EIF3A: variants seen among roughly 807,000 people sequenced by gnomAD.
The protein encoded by EIF3A is eukaryotic translation initiation factor 3 subunit A, also known as EIF3, p180 subunit.
EIF3A carries 21 observed loss-of-function variants against 186.6 expected under a neutral mutation model. The ratio of observed to expected loss-of-function variants is 0.11; its 90% CI spans 0.08 to 0.16. EIF3A has a LOEUF of 0.16. Ranked by LOEUF, EIF3A falls within the 10% of genes least tolerant of loss-of-function variation. The probability of loss-of-function intolerance (pLI) is 1.00; values close to 1 mark genes in which losing one functional copy is unlikely to be tolerated. For missense variants in EIF3A, 1,306 were observed against 1,796.3 expected (o/e 0.73, Z 4.93); for synonymous variants, 563 against 584.3 (o/e 0.96, Z 0.52).
At chr10:119,062,279 T>G (rs1311000260) in intron 7 of EIF3A, among the ~76,000 whole-genome samples, 2 of 152,164 alleles carry the variant, frequency 1.3e-5, no homozygotes, top group Admixed American at 1.3e-4. Flanking sequence ...CCCTTCCGAA[T>G]AGGGAAATGT....
chr10:119,037,257 C>G lies in EIF3A; in HGVS notation c.3781G>C (p.Asp1261His). Residue 1261 changes from aspartate to histidine, a missense_variant, in exon 21 of 22, where the codon GAC (aspartate) becomes CAC (histidine). Physicochemically the swap from Asp to His is moderately conservative, Grantham distance 81 (BLOSUM62 -1). Around this residue, in one of 8 missense-constraint regions of EIF3A, gnomAD observed 331 missense variants for 365.8 expected, o/e 0.90. Coordinates refer to ENST00000369144, the MANE Select transcript of EIF3A (RefSeq NM_003750.4). Reference sequence around the variant, plus strand: ...TCCCTATCGTCCCGGCGACTTGAGTCTCTCCAGCTTGAAGATTCCTCAGCT... The same window carrying G: ...TCCCTATCGTCCCGGCGACTTGAGTGTCTCCAGCTTGAAGATTCCTCAGCT... Reference protein sequence around the residue: ...GPAEESSSWRDSSRRDDRDRD... With the variant: ...GPAEESSSWRHSSRRDDRDRD... 9.3e-6 allele frequency: 15 copies of G among 1,614,152 alleles called. No individual in the cohort carries two copies. Among genetic ancestry groups the G allele is most frequent in the Non-Finnish European group, 1.1e-5 (13 of 1,180,018 alleles).
chr10:119,047,128 C>T (rs1312805785), intron 17 of EIF3A, among the ~76,000 whole-genome samples: 1 of 152,054 alleles, frequency 6.6e-6, no homozygotes, highest in Non-Finnish European at 1.5e-5. Flanking sequence ...ATTAGCCAGG[C>T]GTGGTGGCAC....
chr10:119,079,876 T>C (rs1046622525), intron 1 of EIF3A, among the ~76,000 whole-genome samples: 3 of 152,166 alleles, frequency 2.0e-5, no homozygotes, highest in Non-Finnish European at 2.9e-5. Flanking sequence ...TCTAGGCCTG[T>C]TTCGTTATCT....
intron 14 of EIF3A, among the ~76,000 whole-genome samples, chr10:119,053,265 C>T (rs547714309): frequency 1.2e-4 from 18 of 152,224 alleles, no homozygotes; most frequent in Admixed American, 1.0e-3. Flanking sequence ...TTTGGAATGA[C>T]GAGAATTGGC....
intron 11 of EIF3A, 61 bp from the exon 12 acceptor site, chr10:119,058,364 C>A: frequency 8.3e-7 from 1 of 1,198,204 alleles, no homozygotes; most frequent in South Asian, 1.5e-5. Context: ...TATTAGGCAT[C>A]AAAGAAATTA....
intron 14 of EIF3A, among the ~76,000 whole-genome samples, chr10:119,052,469 C>T (rs1347781809): frequency 6.6e-6 from 1 of 151,466 alleles, no homozygotes; most frequent in African/African-American, 2.4e-5. Context: ...TCACTGCAAC[C>T]TCTGCATCCT....
Position 119,042,350 on chromosome 10 carries a change from C to T in EIF3A, c.3170G>A (p.Arg1057Gln), listed in dbSNP as rs1386316965. The T allele has an allele frequency of 3.7e-6, 6 of 1,613,908 alleles. No homozygotes were observed. The highest frequency in any genetic ancestry group is 1.6e-4 in the Middle Eastern group (1 of 6,084). ...GPRRGGADDE[R>Q]SSWRNADDDR... ...ATCATCAGCATTACGCCAGGATGAT[C>T]GCTCATCATCAGCGCCTCCTCGCCT... is the stretch of plus-strand genomic sequence containing the variant. The change falls in exon 19 of 22, where the codon CGA becomes CAA. Residue 1057 changes from arginine (R) to glutamine (Q), a missense_variant. Arg to Gln is a conservative substitution (Grantham distance 43, BLOSUM62 1). Transcript: ENST00000369144. The surrounding 1 kb of genome is among the most constrained non-coding windows in gnomAD (Gnocchi z 7.8).
In EIF3A at chr10:119,059,643, C is replaced by G; in HGVS notation, c.1402G>C (p.Glu468Gln). 2 of 1,614,142 alleles carry G rather than the reference C, an allele frequency of 1.2e-6. No individual in the cohort carries two copies. Among genetic ancestry groups the G allele is most frequent in the Non-Finnish European group, 1.7e-6 (2 of 1,180,008 alleles). ...CTGGCTGCATCTACTATGGCCCGTT[C>G]CAGTTGGAAAGCATCAACAAAAGGA... Reference protein sequence around the residue: ...LVPFVDAFQLERAIVDAARHC... With the variant: ...LVPFVDAFQLQRAIVDAARHC... Residue 468 changes from glutamate (E) to glutamine (Q), a missense_variant, in exon 10 of 22, where the codon GAA becomes CAA. Physicochemically the swap from Glu to Gln is conservative, Grantham distance 29 (BLOSUM62 2). Around this residue, in one of 8 missense-constraint regions of EIF3A, gnomAD observed 267 missense variants for 367.8 expected, o/e 0.73. Transcript: ENST00000369144.
intron 6 of EIF3A, among the ~76,000 whole-genome samples, chr10:119,069,086 T>C (rs1844031397): frequency 6.6e-6 from 1 of 152,260 alleles, no homozygotes; most frequent in South Asian, 2.1e-4. Context: ...TAAATGTGTT[T>C]TTCCTAATAT....
In EIF3A at chr10:119,035,962, T is replaced by C. The variant is rs1848121999; in HGVS notation, c.*77A>G. 8.9e-6 allele frequency: 10 copies of C among 1,123,252 alleles called. No homozygotes were observed. Among genetic ancestry groups the C allele is most frequent in the South Asian group, 2.6e-5 (2 of 77,350 alleles). 69.6% of individuals were successfully genotyped at this position (1,123,252 alleles called of 1,614,324 possible). A position where few individuals can be genotyped will look rare whatever the true frequency, so the allele number is the denominator to read the frequency against. On this transcript the variant is annotated 3_prime_UTR_variant, in exon 22 of 22. Coordinates refer to ENST00000369144, the MANE Select transcript of EIF3A (RefSeq NM_003750.4). Reference sequence around the variant, plus strand: ...CATTAAAGAATCCAATTTAGATTGGTTGAAGCACAAGTATAATAATCCTTG... The same window carrying C: ...CATTAAAGAATCCAATTTAGATTGGCTGAAGCACAAGTATAATAATCCTTG...
chr10:119,042,506 T>C lies in EIF3A; in HGVS notation c.3014A>G (p.Asp1005Gly). The C allele has an allele frequency of 6.2e-7, 1 of 1,614,182 alleles. No individual in the cohort carries two copies. The highest frequency in any genetic ancestry group is 8.5e-7 in the Non-Finnish European group (1 of 1,180,036). Reference sequence around the variant, plus strand: ...ATCCGCATGACGCCAGTTTCCCCTGTCTTCATCGGCAATTCGTCTGGGAGG... The same window carrying C: ...ATCCGCATGACGCCAGTTTCCCCTGCCTTCATCGGCAATTCGTCTGGGAGG... ...DRPPRRIADEDRGNWRHADDD... is the reference protein window; with the variant it reads ...DRPPRRIADEGRGNWRHADDD... The change falls in exon 19 of 22, where the codon GAC becomes GGC. Residue 1005 changes from aspartate (D) to glycine (G), a missense_variant. Coordinates refer to ENST00000369144, the MANE Select transcript of EIF3A (RefSeq NM_003750.4). The surrounding 1 kb of genome is among the most constrained non-coding windows in gnomAD (Gnocchi z 7.8).
intron 17 of EIF3A, among the ~76,000 whole-genome samples, chr10:119,048,853 T>TA (rs1415963759): frequency 6.6e-6 from 1 of 152,012 alleles, no homozygotes; most frequent in Non-Finnish European, 1.5e-5. Flanking sequence ...TTATTTTTAG[T>TA]AGAGACAGGG....
chr10:119,065,694 A>T lies in EIF3A; in HGVS notation c.951-124T>A, dbSNP rs376857832. 6.9e-5 allele frequency: 45 copies of T among 654,146 alleles called. 1 individual carries two copies. The highest frequency in any genetic ancestry group is 5.1e-4 in the South Asian group (26 of 50,526). 40.5% of individuals were successfully genotyped at this position (654,146 alleles called of 1,614,324 possible). A position where few individuals can be genotyped will look rare whatever the true frequency, so the allele number is the denominator to read the frequency against. On this transcript the variant is annotated intron_variant, in intron 6 of 21. Coordinates refer to ENST00000369144, the MANE Select transcript of EIF3A (RefSeq NM_003750.4). ...CAGAACGTGTACATCACCATGGTGC[A>T]CTATACTCATAAATATTATTCCATC...
rs182116373 is a variant in EIF3A, at chr10:119,035,689, T to C, written c.*350A>G. 334 of 59,014 alleles carry C rather than the reference T, an allele frequency of 5.7e-3. 3 individuals are homozygous for C. Among genetic ancestry groups the C allele is most frequent in the Non-Finnish European group, 8.8e-3 (218 of 24,642 alleles). 3.7% of individuals were successfully genotyped at this position (59,014 alleles called of 1,614,324 possible). On this transcript the variant is annotated 3_prime_UTR_variant, in exon 22 of 22. Transcript: ENST00000369144. ...CTTCATTCCAAATTATTATCAGATATTTCAAAATCAAAAAAAAAGTATCAG... is the reference window on the plus strand; with the variant it reads ...CTTCATTCCAAATTATTATCAGATACTTCAAAATCAAAAAAAAAGTATCAG...
rs180752120 is a variant in EIF3A at position 119,068,754 on chromosome 10, T to A, written c.950+692A>T. 5.9e-4 allele frequency among the ~76,000 whole-genome samples: 89 copies of A among 151,910 alleles called. No homozygotes were observed. The Middle Eastern group carries it at 0.014, about 23-fold the overall frequency. ...ACTTTGGGAGGCAGAGGCAGGTGGATCATGAGGTGAGGAGTGGAGACCAGC... is the reference window on the plus strand; with the variant it reads ...ACTTTGGGAGGCAGAGGCAGGTGGAACATGAGGTGAGGAGTGGAGACCAGC... On this transcript the variant is annotated intron_variant, in intron 6 of 21. Coordinates refer to ENST00000369144, the MANE Select transcript of EIF3A (RefSeq NM_003750.4).
At chr10:119,075,956 G>T (rs1458437946) in intron 1 of EIF3A, among the ~76,000 whole-genome samples, 1 of 125,214 alleles carries the variant, frequency 8.0e-6, no homozygotes, top group Admixed American at 1.0e-4. Flanking sequence ...TCAATCTCCT[G>T]ACCTCGTGAT....
intron 17 of EIF3A, among the ~76,000 whole-genome samples, chr10:119,049,123 T>C (rs1320916270): frequency 6.6e-6 from 1 of 152,080 alleles, no homozygotes; most frequent in Non-Finnish European, 1.5e-5. Flanking sequence ...CTTCCCCCCT[T>C]AGGTGCCTTC....
rs1434085900 is a variant in EIF3A at position 119,042,087 on chromosome 10, C to T, written c.3433G>A (p.Asp1145Asn). 6.2e-7 allele frequency: 1 copy of T among 1,614,122 alleles called. No homozygotes were observed. The highest frequency in any genetic ancestry group is 8.5e-7 in the Non-Finnish European group (1 of 1,180,062). Residue 1145 changes from aspartate to asparagine, a missense_variant, in exon 19 of 22, where the codon GAT (aspartate) becomes AAT (asparagine). Transcript: ENST00000369144. The surrounding 1 kb of genome is among the most constrained non-coding windows in gnomAD (Gnocchi z 7.8). ...TCAGCACGTCTTGAAAGGCGATCAT[C>T]ATCCATGTTTCTCCAAGGGCCCCTG... ...DDRGPWRNMD[D>N]DRLSRRADDD...
chr10:119,035,817 C>T lies in EIF3A; in HGVS notation c.*222G>A. On this transcript the variant is annotated 3_prime_UTR_variant, in exon 22 of 22. Coordinates refer to ENST00000369144, the MANE Select transcript of EIF3A (RefSeq NM_003750.4). ...TCAACAAATGATTGATGAAATAATG[C>T]AACACCCTTAAATTCCAGAAAATGG... The T allele has an allele frequency of 2.2e-6, 1 of 450,748 alleles. No homozygotes were observed. The highest frequency in any genetic ancestry group is 3.9e-6 in the Non-Finnish European group (1 of 254,836). 27.9% of individuals were successfully genotyped at this position (450,748 alleles called of 1,614,324 possible). A position where few individuals can be genotyped will look rare whatever the true frequency, so the allele number is the denominator to read the frequency against.
Sources: allele counts gnomAD v4.1 joint callset (sites outside exome capture counted in the v4.1 genomes callset), GRCh38; gene constraint gnomAD v4.1.1; regional missense constraint gnomAD v4.1.1; non-coding constraint Gnocchi (gnomAD v3.1); transcripts MANE v1.5; gene names NCBI Gene and HGNC (gene_info 2026-07-23, HGNC 2026-07-21).